GPHN: variants seen among roughly 807,000 people sequenced by gnomAD.
GPHN encodes gephyrin.
In GPHN, 17 loss-of-function variants were observed where a neutral mutation model predicts 95.5. The observed-to-expected ratio is 0.18, with a 90% CI of 0.12 to 0.27. The LOEUF is 0.27. Among genes scored for constraint, GPHN ranks in the 10% least tolerant of loss-of-function variants. GPHN has a pLI of 1.00. For synonymous variants in GPHN, 320 were observed against 322.5 expected (o/e 0.99, Z 0.08); for missense variants, 660 against 978.1 (o/e 0.67, Z 4.34).
At chr14:67,058,874 A>G (rs1429360790) in intron 11 of GPHN, 88 bp downstream of exon 11, 3 of 1,155,916 alleles carry the variant, frequency 2.6e-6, no homozygotes, top group Admixed American at 1.7e-5. Context: ...TTTTCCTGAA[A>G]AAGAAAGATT....
At chr14:66,778,860 C>T (rs1353028014) in intron 3 of GPHN, among the ~76,000 whole-genome samples, 1 of 150,762 alleles carries the variant, frequency 6.6e-6, no homozygotes, top group Non-Finnish European at 1.5e-5. Flanking sequence ...CTCAGCCTCC[C>T]GAGTAGCTTG....
At chr14:67,208,009 A>G in the GPHN span, among the ~76,000 whole-genome samples, 1 of 152,176 alleles carries the variant, frequency 6.6e-6, no homozygotes, top group African/African-American at 2.4e-5. Context: ...TGGCTCCCAC[A>G]CAGCCTGCCG....
At chr14:66,608,452 G>A (rs905726164) in intron 1 of GPHN, among the ~76,000 whole-genome samples, 6 of 152,060 alleles carry the variant, frequency 3.9e-5, no homozygotes, top group Non-Finnish European at 8.8e-5. Flanking sequence ...TGAGAGAAAT[G>A]TATATTATGT....
At chr14:66,788,295 C>T (rs764519762) in intron 3 of GPHN, among the ~76,000 whole-genome samples, 28 of 152,308 alleles carry the variant, frequency 1.8e-4, no homozygotes, top group South Asian at 8.3e-4. Context: ...GGCAACAGAA[C>T]GAGACTCCGT....
chr14:66,913,633 C>G (rs1055863902), intron 5 of GPHN, among the ~76,000 whole-genome samples: 4 of 152,202 alleles, frequency 2.6e-5, no homozygotes. Context: ...AGCCACCACA[C>G]TGGCTACTTT....
the GPHN span, among the ~76,000 whole-genome samples, chr14:67,346,079 T>C: frequency 6.6e-6 from 1 of 152,208 alleles, no homozygotes; most frequent in East Asian, 1.9e-4. Context: ...AATACTATTC[T>C]AAATATAACT....
At chr14:67,596,295 ATTTTT>A in the GPHN span, among the ~76,000 whole-genome samples, 21 of 60,222 alleles carry the variant, frequency 3.5e-4, 1 homozygote, top group Admixed American at 3.0e-4. Context: ...CGCCCAGCTA[ATTTTT>A]TTTTTTTTTT....
chr14:67,692,556 C>A, the GPHN span: 1 of 1,607,892 alleles, frequency 6.2e-7, no homozygotes, highest in Non-Finnish European at 8.5e-7. Flanking sequence ...CCAATTCCCC[C>A]TTTTCCACAT....
chr14:67,508,434 C>A, the GPHN span, among the ~76,000 whole-genome samples: 5 of 152,194 alleles, frequency 3.3e-5, no homozygotes, highest in African/African-American at 1.2e-4. Flanking sequence ...TTGCATCACA[C>A]GCCCAGAGTC....
the GPHN span, among the ~76,000 whole-genome samples, chr14:67,276,221 A>C: frequency 6.6e-6 from 1 of 152,120 alleles, no homozygotes; most frequent in Non-Finnish European, 1.5e-5. Context: ...AACTCTTCTC[A>C]GTGTGGCTTC....
the GPHN span, among the ~76,000 whole-genome samples, chr14:67,369,260 T>G: frequency 6.6e-6 from 1 of 152,210 alleles, no homozygotes; most frequent in South Asian, 2.1e-4. Flanking sequence ...GACATAGTAT[T>G]TTCAGATTTA....
At chr14:67,041,730 C>T (rs781411946) in intron 10 of GPHN, among the ~76,000 whole-genome samples, 134 of 152,188 alleles carry the variant, frequency 8.8e-4, no homozygotes, top group Non-Finnish European at 1.6e-3. Flanking sequence ...TGGATATATG[C>T]CCAGTAATGG....
chr14:67,564,123 G>C, the GPHN span, among the ~76,000 whole-genome samples: 4 of 151,060 alleles, frequency 2.6e-5, no homozygotes, highest in Admixed American at 1.3e-4. Context: ...GGATGGTCTC[G>C]ATCTCCTGAC....
the GPHN span, among the ~76,000 whole-genome samples, chr14:67,654,807 A>T: frequency 6.6e-6 from 1 of 152,044 alleles, no homozygotes; most frequent in Non-Finnish European, 1.5e-5. Flanking sequence ...AGGCGGGCAG[A>T]TCATGAGGTT....
At chr14:67,085,481 A>G (rs928134669) in intron 11 of GPHN, among the ~76,000 whole-genome samples, 2 of 152,200 alleles carry the variant, frequency 1.3e-5, no homozygotes, top group African/African-American at 4.8e-5. Flanking sequence ...ACACTGTGAG[A>G]TCTATAATAC....
At chr14:66,729,342 A>G (rs2071548631) in intron 2 of GPHN, among the ~76,000 whole-genome samples, 1 of 152,200 alleles carries the variant, frequency 6.6e-6, no homozygotes, top group Non-Finnish European at 1.5e-5. Flanking sequence ...CTTCTAGTCC[A>G]AAGTATTTCA....
intron 1 of GPHN, among the ~76,000 whole-genome samples, chr14:66,562,610 A>G (rs1008094956): frequency 6.6e-6 from 1 of 152,154 alleles, no homozygotes; most frequent in Non-Finnish European, 1.5e-5. Context: ...TTTTAACCAA[A>G]GAATAATTTT....
intron 1 of GPHN, among the ~76,000 whole-genome samples, chr14:66,581,745 A>T (rs906830749): frequency 6.6e-6 from 1 of 151,984 alleles, no homozygotes. Context: ...AGGAGTAGCT[A>T]TACTTATATC....
the GPHN span, among the ~76,000 whole-genome samples, chr14:67,331,868 G>C: frequency 1.3e-5 from 2 of 152,068 alleles, no homozygotes; most frequent in African/African-American, 4.8e-5. Context: ...TTACAGTGGT[G>C]AAGTAGATTC....
Sources: gnomAD v4.1 joint callset for allele counts (sites outside exome capture counted in the v4.1 genomes callset) on GRCh38, gnomAD v4.1.1 for gene constraint, MANE v1.5 for transcripts, NCBI Gene and HGNC (gene_info 2026-07-23, HGNC 2026-07-21) for gene names.